Variants in SPATA9 observed in about 807,000 individuals in gnomAD.
SPATA9 encodes the protein spermatogenesis associated 9, also known as spermatogenesis-associated protein 9.
Under a neutral mutation model 25.5 loss-of-function variants are expected in SPATA9, and 27 were observed. The observed-to-expected ratio is 1.06, with a 90% CI of 0.78 to 1.46. SPATA9 has a LOEUF of 1.46. SPATA9 is among the 40% of genes most tolerant of loss of function. The pLI is 0.00. For missense variants in SPATA9, 282 were observed against 297.5 expected (o/e 0.95, Z 0.38); for synonymous variants, 102 against 105.7 (o/e 0.97, Z 0.21).
chr5:95,658,773 T>C lies in SPATA9; in HGVS notation c.615A>G (p.Glu205=). The change falls in exon 5 of 5, where the codon GAA becomes GAG. Residue 205 remains glutamate (E), a synonymous_variant. Transcript: ENST00000274432. ...TATAAGGTTTTGCTTTGATTTCACC[T>C]TCAGCAAACATAGGCTCCGAAAGCA... is the stretch of plus-strand genomic sequence containing the variant. ...EPVLSEPMFA[E]GEIKAKPYRS... The C allele has an allele frequency of 6.2e-7, 1 of 1,613,954 alleles. No individual in the cohort carries two copies. The highest frequency in any genetic ancestry group is 8.5e-7 in the Non-Finnish European group (1 of 1,179,920).
intron 3 of SPATA9, among the ~76,000 whole-genome samples, chr5:95,665,085 T>C (rs1270649310): frequency 1.3e-5 from 2 of 152,210 alleles, no homozygotes; most frequent in African/African-American, 4.8e-5. Flanking sequence ...AATTGACACA[T>C]TGTAATGGTA....
Position 95,672,358 on chromosome 5 carries a change from G to GA in SPATA9, c.378+3053dup, listed in dbSNP as rs929708347. Among the ~76,000 whole-genome samples, 4 of 151,616 alleles carry GA rather than the reference G, an allele frequency of 2.6e-5. No individual in the cohort carries two copies. In the South Asian group the frequency reaches 8.3e-4, roughly 32 times the overall value. On this transcript the variant is annotated intron_variant, in intron 3 of 4. Transcript: ENST00000274432. ...AGTGTGATGCAGGAAATCCTAAGCT[G>GA]AAAAAAACATAAAGATTGGTCTCAG...
At chr5:95,721,179 T>G in the SPATA9 span, among the ~76,000 whole-genome samples, 1 of 152,146 alleles carries the variant, frequency 6.6e-6, no homozygotes, top group Non-Finnish European at 1.5e-5. Flanking sequence ...CTGAATGAGA[T>G]TTTAGGGATG....
chr5:95,680,600 C>A (rs1038260425), intron 2 of SPATA9, among the ~76,000 whole-genome samples: 3 of 152,080 alleles, frequency 2.0e-5, no homozygotes, highest in African/African-American at 2.4e-5. Flanking sequence ...TATCCTATGC[C>A]CTAATATTAC....
At chr5:95,721,165 C>A in the SPATA9 span, among the ~76,000 whole-genome samples, 1 of 152,216 alleles carries the variant, frequency 6.6e-6, no homozygotes, top group Non-Finnish European at 1.5e-5. Context: ...ATTTACGTTG[C>A]AGCCTGAATG....
At chr5:95,682,453 A>T in intron 2 of SPATA9, 75 bp downstream of exon 2, 1 of 1,075,404 alleles carries the variant, frequency 9.3e-7, no homozygotes, top group African/African-American at 1.6e-5. Flanking sequence ...AAAATCAAGC[A>T]TTAAATAATG....
intron 3 of SPATA9, chr5:95,670,954 C>A (rs1359633046): frequency 1.1e-6 from 1 of 952,358 alleles, no homozygotes; most frequent in Non-Finnish European, 1.3e-6. Context: ...TGATTATCAA[C>A]CCTAGCTACT....
At chr5:95,687,236 G>C (rs546835791), upstream of SPATA9, among the ~76,000 whole-genome samples, 50 of 152,328 alleles carry the variant, frequency 3.3e-4, no homozygotes, top group Non-Finnish European at 4.4e-5. Context: ...CCTTTGTAGA[G>C]ACTTGAAGTT....
At chr5:95,689,258 A>G (rs1753825421) in intron 1 of SPATA9, among the ~76,000 whole-genome samples, 1 of 152,174 alleles carries the variant, frequency 6.6e-6, no homozygotes, top group South Asian at 2.1e-4. Context: ...ACAGTCCATT[A>G]TTGTATATAA....
At position 95,697,357 on chromosome 5, in the gene SPATA9, T is replaced by C. The variant is rs1241071766; in HGVS notation, n.124+1231A>G. On this transcript the variant is annotated intron_variant and non_coding_transcript_variant, in intron 1 of 2. Transcript: ENST00000379990. ...GGCCTCTCCATAGACTGCTTCAGTA[T>C]GTCCTCAGCTGGCTTCCCTCTCTCA... Among the ~76,000 whole-genome samples, 4 of 152,336 alleles carry C rather than the reference T, an allele frequency of 2.6e-5. No homozygotes were observed. In the East Asian group the frequency reaches 7.7e-4, roughly 29 times the overall value.
chr5:95,709,286 T>A, the SPATA9 span, among the ~76,000 whole-genome samples: 3 of 152,220 alleles, frequency 2.0e-5, no homozygotes, highest in African/African-American at 4.8e-5. Context: ...TAGCTTGTGA[T>A]ATTTCTGCCA....
At chr5:95,656,433 A>G, downstream of SPATA9, 1 of 702,006 alleles carries the variant, frequency 1.4e-6, no homozygotes, top group East Asian at 2.7e-5. Flanking sequence ...ATTCACATAC[A>G]TTTGAGAGGT....
rs1446078951 is a variant in SPATA9, at chr5:95,658,913, C to G, written c.475G>C (p.Ala159Pro). 3.2e-6 allele frequency: 5 copies of G among 1,583,610 alleles called. No homozygotes were observed. The African/African-American group carries it at 5.5e-5, about 17-fold the overall frequency. ...TTCAGCACAGCATTAACACAGACTG[C>G]CTATACAATAAAAAGAGTTTGTAAA... ...YASYAALIYLAVCVNAVLKKV... is the reference protein window; with the variant it reads ...YASYAALIYLPVCVNAVLKKV... The change falls in exon 5 of 5, where the codon GCA becomes CCA. Residue 159 changes from alanine to proline, a missense_variant and splice_region_variant. Transcript: ENST00000274432.
downstream of SPATA9, chr5:95,654,356 G>A (rs1750587327): frequency 6.2e-7 from 1 of 1,604,166 alleles, no homozygotes; most frequent in Non-Finnish European, 8.5e-7. Context: ...TTTACATTTG[G>A]GAGATATAGA....
intron 1 of SPATA9, among the ~76,000 whole-genome samples, chr5:95,691,461 C>G (rs1711823381): frequency 6.6e-6 from 1 of 152,102 alleles, no homozygotes; most frequent in Non-Finnish European, 1.5e-5. Flanking sequence ...ATCTATTTGT[C>G]TCCTTCTATG....
chr5:95,667,315 TG>T (rs959675589), intron 3 of SPATA9, among the ~76,000 whole-genome samples: 2 of 14,218 alleles, frequency 1.4e-4, no homozygotes, highest in African/African-American at 6.1e-4. Flanking sequence ...TAGCTAAGAG[TG>T]GGGGGGTGGG....
At chr5:95,664,085 A>ACTGAAAATGTTTG in intron 3 of SPATA9, 37 bp from the exon 4 acceptor site, 1 of 1,269,624 alleles carries the variant, frequency 7.9e-7, no homozygotes, top group Non-Finnish European at 1.1e-6. Context: ...ATAAACAAAC[A>ACTGAAAATGTTTG]TTTTCAGTGT....
chr5:95,675,762 A>C, intron 2 of SPATA9, 123 bp from the exon 3 acceptor site: 1 of 681,576 alleles, frequency 1.5e-6, no homozygotes, highest in African/African-American at 1.9e-5. Context: ...TATATTCAAC[A>C]TCCAATATTT....
chr5:95,682,059 T>C (rs531446289), intron 2 of SPATA9, among the ~76,000 whole-genome samples: 1 of 152,346 alleles, frequency 6.6e-6, no homozygotes, highest in South Asian at 2.1e-4. Flanking sequence ...CAAATCCTTT[T>C]TGGAACAGAG....
Sources: gnomAD v4.1 joint callset for allele counts (sites outside exome capture counted in the v4.1 genomes callset) on GRCh38, gnomAD v4.1.1 for gene constraint, MANE v1.5 for transcripts, NCBI Gene and HGNC (gene_info 2026-07-23, HGNC 2026-07-21) for gene names.